The following LRRC52 variants were observed in gnomAD, a reference collection of about 807,000 sequenced individuals.
The protein encoded by LRRC52 is leucine-rich repeat-containing protein 52.
Under a neutral mutation model 14.7 loss-of-function variants are expected in LRRC52, and 15 were observed. The ratio of observed to expected loss-of-function variants is 1.02; its 90% CI spans 0.68 to 1.58. The LOEUF is 1.58. Among genes scored for constraint, LRRC52 ranks in the 40% most tolerant of loss-of-function variants. The pLI is 0.00. For missense variants in LRRC52, 400 were observed against 387.7 expected, an observed-to-expected ratio of 1.03 and a Z score of -0.27; for synonymous variants, 180 against 163.9, an observed-to-expected ratio of 1.10 and a Z score of -0.75.
chr1:165,560,903 T>TTCTGAGG (rs925626145), intron 1 of LRRC52, among the ~76,000 whole-genome samples: 3 of 152,140 alleles, frequency 2.0e-5, no homozygotes, highest in Non-Finnish European at 2.9e-5. Flanking sequence ...CTGGGTGTTA[T>TTCTGAGG]TCTGAGGTTC....
At chr1:165,562,211 G>A (rs1466846280) in intron 1 of LRRC52, among the ~76,000 whole-genome samples, 1 of 152,138 alleles carries the variant, frequency 6.6e-6, no homozygotes, top group Non-Finnish European at 1.5e-5. Context: ...TTCCTTATTT[G>A]TAAGACAAGG....
At chr1:165,561,603 TG>T (rs918972036) in intron 1 of LRRC52, among the ~76,000 whole-genome samples, 17 of 152,254 alleles carry the variant, frequency 1.1e-4, no homozygotes, top group African/African-American at 4.1e-4. Context: ...GAGAGCTCTC[TG>T]GTGGGGCAGG....
In LRRC52 at chr1:165,544,697, A is replaced by G; in HGVS notation, c.401A>G (p.Asn134Ser). Residue 134 changes from asparagine to serine, a missense_variant, in exon 1 of 2, where the codon AAC becomes AGC. Transcript: ENST00000294818. ...AACCTGGTGCAGCTGAACATTGCCA[A>G]CAACCCTCACCTGTTATCGCTTCAC... ...LSNLVQLNIANNPHLLSLHKF... is the reference protein window; with the variant it reads ...LSNLVQLNIASNPHLLSLHKF... 1 of 1,614,026 alleles carries G rather than the reference A, an allele frequency of 6.2e-7. No homozygotes were observed. The highest frequency in any genetic ancestry group is 8.5e-7 in the Non-Finnish European group (1 of 1,180,010).
At chr1:165,551,750 G>A (rs1408469777) in intron 1 of LRRC52, among the ~76,000 whole-genome samples, 4 of 152,056 alleles carry the variant, frequency 2.6e-5, no homozygotes, top group African/African-American at 7.3e-5. Context: ...TTTTGAGGGC[G>A]TTTTGAGCAG....
chr1:165,556,387 A>AG (rs34104986), intron 1 of LRRC52, among the ~76,000 whole-genome samples: 95,847 of 152,004 alleles, frequency 0.63, 32,548 homozygotes, highest in East Asian at 0.87. Flanking sequence ...TCTATATACA[A>AG]GGGGGGGAAA....
chr1:165,563,375 C>T (rs929921486), intron 1 of LRRC52, 130 bp from the exon 2 acceptor site: 86 of 741,624 alleles, frequency 1.2e-4, no homozygotes, highest in Non-Finnish European at 1.7e-5. Flanking sequence ...CAGGTGATGT[C>T]GATGCTGCTG....
At position 165,549,610 on chromosome 1, in the gene LRRC52, G is replaced by A. The variant is rs149833178; in HGVS notation, c.622+4692G>A. Among the ~76,000 whole-genome samples the A allele has an allele frequency of 2.7e-3, 413 of 152,286 alleles. 1 individual carries two copies. Among genetic ancestry groups the A allele is most frequent in the Middle Eastern group, 6.8e-3 (2 of 294 alleles). ...GAGTTAATTCTTGGGAATTTGATTAGCTAAGATTAATTCTGCAGCAGTGGA... is the reference window on the plus strand; with the variant it reads ...GAGTTAATTCTTGGGAATTTGATTAACTAAGATTAATTCTGCAGCAGTGGA... On this transcript the variant is annotated intron_variant, in intron 1 of 1. Transcript: ENST00000294818.
chr1:165,559,701 G>C (rs1269879629), intron 1 of LRRC52, among the ~76,000 whole-genome samples: 1 of 152,038 alleles, frequency 6.6e-6, no homozygotes, highest in Admixed American at 6.5e-5. Flanking sequence ...CTCTACCATA[G>C]GCTAATTGAT....
At position 165,563,645 on chromosome 1, in the gene LRRC52, A is replaced by T. The variant is rs1397670196; in HGVS notation, c.763A>T (p.Ile255Phe). Residue 255 changes from isoleucine to phenylalanine, a missense_variant, in exon 2 of 2, where the codon ATC (isoleucine) becomes TTC (phenylalanine). By Grantham distance (21) the Ile-to-Phe change is conservative (BLOSUM62 0). Coordinates refer to ENST00000294818, the MANE Select transcript of LRRC52 (RefSeq NM_001005214.4). Reference sequence around the variant, plus strand: ...CTTCCTGCTGCTCATCGGCTTCTGCATCTTCGCCGCGGGAACTGTGGCTGC... The same window carrying T: ...CTTCCTGCTGCTCATCGGCTTCTGCTTCTTCGCCGCGGGAACTGTGGCTGC... ...YIFLLLIGFC[I>F]FAAGTVAAWL... is the part of the protein sequence containing the mutation. 6.2e-7 allele frequency: 1 copy of T among 1,614,192 alleles called. No homozygotes were observed. Among genetic ancestry groups the T allele is most frequent in the South Asian group, 1.1e-5 (1 of 91,078 alleles).
chr1:165,550,948 C>T (rs1010578759), intron 1 of LRRC52, among the ~76,000 whole-genome samples: 2 of 152,122 alleles, frequency 1.3e-5, no homozygotes, highest in African/African-American at 2.4e-5. Context: ...TCCTCAAAGG[C>T]CTCCTATAGC....
chr1:165,544,702 C>A lies in LRRC52; in HGVS notation c.406C>A (p.Pro136Thr), dbSNP rs761897498. ...NLVQLNIANN[P>T]HLLSLHKFTF... Reference sequence around the variant, plus strand: ...GGTGCAGCTGAACATTGCCAACAACCCTCACCTGTTATCGCTTCACAAGTT... The same window carrying A: ...GGTGCAGCTGAACATTGCCAACAACACTCACCTGTTATCGCTTCACAAGTT... The change falls in exon 1 of 2, where the codon CCT (proline) becomes ACT (threonine). Residue 136 changes from proline (P) to threonine (T), a missense_variant. Transcript: ENST00000294818. 1.9e-6 allele frequency: 3 copies of A among 1,613,942 alleles called. No individual in the cohort carries two copies. Among genetic ancestry groups the A allele is most frequent in the South Asian group, 2.2e-5 (2 of 91,052 alleles).
intron 1 of LRRC52, among the ~76,000 whole-genome samples, chr1:165,559,427 A>G (rs1203382422): frequency 6.6e-6 from 1 of 152,204 alleles, no homozygotes; most frequent in Non-Finnish European, 1.5e-5. Context: ...TGAAAGAACT[A>G]TATGGAGCAG....
chr1:165,555,640 A>G (rs576215339), intron 1 of LRRC52, among the ~76,000 whole-genome samples: 6 of 152,240 alleles, frequency 3.9e-5, no homozygotes, highest in Non-Finnish European at 8.8e-5. Context: ...CAGGCAAAAG[A>G]GGACACTGGC....
chr1:165,551,235 A>T (rs570471513), intron 1 of LRRC52, among the ~76,000 whole-genome samples: 1 of 152,166 alleles, frequency 6.6e-6, no homozygotes, highest in African/African-American at 2.4e-5. Flanking sequence ...CTTTCCTCCC[A>T]GGCCAGACCT....
At chr1:165,562,447 G>A (rs889597726) in intron 1 of LRRC52, among the ~76,000 whole-genome samples, 46 of 152,172 alleles carry the variant, frequency 3.0e-4, no homozygotes, top group African/African-American at 1.1e-3. Flanking sequence ...TATGGAGTTA[G>A]AAAAATGTAG....
chr1:165,555,912 C>T (rs1322122656), intron 1 of LRRC52, among the ~76,000 whole-genome samples: 1 of 152,184 alleles, frequency 6.6e-6, no homozygotes, highest in African/African-American at 2.4e-5. Context: ...ATTAAGCAGG[C>T]TCAGCTCTAG....
intron 1 of LRRC52, among the ~76,000 whole-genome samples, chr1:165,545,646 G>T (rs1661006636): frequency 6.6e-6 from 1 of 151,904 alleles, no homozygotes; most frequent in Admixed American, 6.6e-5. Flanking sequence ...TTACCTGGGA[G>T]ATTTCCAAGC....
intron 1 of LRRC52, among the ~76,000 whole-genome samples, chr1:165,554,862 G>A (rs1661201241): frequency 6.6e-6 from 1 of 152,228 alleles, no homozygotes; most frequent in Admixed American, 6.5e-5. Flanking sequence ...ACAAACCCTT[G>A]TAATTTTCAA....
At chr1:165,562,653 AGAAG>A (rs894931499) in intron 1 of LRRC52, among the ~76,000 whole-genome samples, 7 of 150,664 alleles carry the variant, frequency 4.6e-5, no homozygotes, top group African/African-American at 1.7e-4. Flanking sequence ...AATCTGGATT[AGAAG>A]CCTGGCCTGT....
Sources: gnomAD v4.1 joint callset for allele counts (sites outside exome capture counted in the v4.1 genomes callset) on GRCh38, gnomAD v4.1.1 for gene constraint, MANE v1.5 for transcripts, NCBI Gene and HGNC (gene_info 2026-07-23, HGNC 2026-07-21) for gene names.